TMEM132D: variants seen among roughly 807,000 people sequenced by gnomAD.
TMEM132D encodes the protein transmembrane protein 132D, also known as mature OL transmembrane protein.
In TMEM132D, 21 loss-of-function variants were observed where a neutral mutation model predicts 62.3. The observed-to-expected ratio is 0.34, with a 90% confidence interval of 0.24 to 0.49. The LOEUF is 0.49. Ranked by LOEUF, TMEM132D falls within the 20% of genes least tolerant of loss-of-function variation. The pLI is 0.99. For synonymous variants in TMEM132D, 621 were observed against 575.6 expected (o/e 1.08, Z -1.13); for missense variants, 1,346 against 1,402.8 (o/e 0.96, Z 0.65).
intron 1 of TMEM132D, among the ~76,000 whole-genome samples, chr12:129,854,215 TATCAC>T (rs1316112843): frequency 2.6e-5 from 4 of 152,206 alleles, no homozygotes; most frequent in Non-Finnish European, 4.4e-5. Flanking sequence ...AACGTTCAGC[TATCAC>T]TGAACTTTCA....
intron 5 of TMEM132D, among the ~76,000 whole-genome samples, chr12:129,172,613 T>C (rs533500202): frequency 6.6e-6 from 1 of 152,312 alleles, no homozygotes; most frequent in Admixed American, 6.5e-5. Context: ...AGTTTCACTC[T>C]TGTTGCCCAG....
At chr12:129,731,222 A>G (rs535211406) in intron 1 of TMEM132D, among the ~76,000 whole-genome samples, 59 of 152,238 alleles carry the variant, frequency 3.9e-4, no homozygotes, top group African/African-American at 1.2e-3. Context: ...TCGTTCACTC[A>G]GCACACACTG....
intron 3 of TMEM132D, among the ~76,000 whole-genome samples, chr12:129,478,805 C>T (rs965617370): frequency 2.0e-5 from 3 of 152,114 alleles, no homozygotes; most frequent in African/African-American, 7.2e-5. Flanking sequence ...TTTTAGAATC[C>T]GAGCTTTAGT....
intron 5 of TMEM132D, among the ~76,000 whole-genome samples, chr12:129,129,134 T>TC (rs1454080242): frequency 2.0e-5 from 3 of 151,980 alleles, no homozygotes; most frequent in African/African-American, 7.3e-5. Flanking sequence ...AACCTTTGCC[T>TC]CCCTTCCTCC....
At chr12:129,458,987 A>G (rs1873569987) in intron 3 of TMEM132D, among the ~76,000 whole-genome samples, 1 of 152,234 alleles carries the variant, frequency 6.6e-6, no homozygotes, top group Non-Finnish European at 1.5e-5. Flanking sequence ...AAAAATCCTA[A>G]GGCTAGCTTT....
intron 1 of TMEM132D, among the ~76,000 whole-genome samples, chr12:129,728,854 T>C (rs1869123237): frequency 6.6e-6 from 1 of 152,140 alleles, no homozygotes; most frequent in African/African-American, 2.4e-5. Context: ...GCCCCTCATG[T>C]CTTCATGTAC....
chr12:129,309,506 A>G (rs1593331764), intron 4 of TMEM132D, among the ~76,000 whole-genome samples: 2 of 152,308 alleles, frequency 1.3e-5, no homozygotes, highest in African/African-American at 4.8e-5. Context: ...GAATAAAGGT[A>G]TTGTAGGATT....
intron 2 of TMEM132D, among the ~76,000 whole-genome samples, chr12:129,687,368 G>A (rs907862724): frequency 3.3e-5 from 5 of 152,102 alleles, no homozygotes; most frequent in Admixed American, 6.5e-5. Context: ...TCATTGAGGA[G>A]TCTGCAGTGA....
chr12:129,351,780 C>T (rs903180275), intron 3 of TMEM132D, among the ~76,000 whole-genome samples: 5 of 152,198 alleles, frequency 3.3e-5, no homozygotes, highest in Non-Finnish European at 7.3e-5. Context: ...AAGACAAGTT[C>T]ACTCAACGCT....
chr12:129,825,834 C>G (rs1872648789), intron 1 of TMEM132D, among the ~76,000 whole-genome samples: 1 of 152,138 alleles, frequency 6.6e-6, no homozygotes, highest in African/African-American at 2.4e-5. Flanking sequence ...GAGGATGAGG[C>G]AGGAGGATCA....
chr12:129,374,269 CAG>C (rs35178347), intron 3 of TMEM132D, among the ~76,000 whole-genome samples: 19 of 144,312 alleles, frequency 1.3e-4, no homozygotes, highest in East Asian at 4.1e-4. Flanking sequence ...CCTCACACAT[CAG>C]AGAGAGAGAG....
intron 8 of TMEM132D, 22 bp downstream of exon 8, chr12:129,078,512 T>G (rs2135610864): frequency 6.2e-7 from 1 of 1,605,008 alleles, no homozygotes; most frequent in Non-Finnish European, 8.5e-7. Context: ...TGCTGAAGTG[T>G]GTCTCAAGCC....
chr12:129,388,375 GATAATATTAA>G (rs1871185697), intron 3 of TMEM132D, among the ~76,000 whole-genome samples: 1 of 67,236 alleles, frequency 1.5e-5, no homozygotes, highest in Admixed American at 1.5e-4. Context: ...CAGCACTGAT[GATAATATTAA>G]CACTAACACG....
At chr12:129,365,390 C>A (rs1325461899) in intron 3 of TMEM132D, among the ~76,000 whole-genome samples, 1 of 152,062 alleles carries the variant, frequency 6.6e-6, no homozygotes, top group Non-Finnish European at 1.5e-5. Context: ...CACCAAAAAC[C>A]CTTATCAAGA....
chr12:129,135,747 T>C (rs1329755512), intron 5 of TMEM132D, among the ~76,000 whole-genome samples: 1 of 152,200 alleles, frequency 6.6e-6, no homozygotes, highest in Non-Finnish European at 1.5e-5. Context: ...GGAGAATCTT[T>C]TCCATGCATC....
chr12:129,392,037 G>A (rs563770956), intron 3 of TMEM132D, among the ~76,000 whole-genome samples: 92 of 151,404 alleles, frequency 6.1e-4, no homozygotes, highest in South Asian at 1.1e-3. Flanking sequence ...GATTACAGGC[G>A]TGAGCCACCA....
chr12:129,237,792 A>T (rs1879824665), intron 4 of TMEM132D, among the ~76,000 whole-genome samples: 1 of 152,104 alleles, frequency 6.6e-6, no homozygotes, highest in Non-Finnish European at 1.5e-5. Context: ...CAGCCTGGCC[A>T]ACATGGTGAA....
At chr12:129,892,394 T>C (rs1446645901) in intron 1 of TMEM132D, among the ~76,000 whole-genome samples, 1 of 152,174 alleles carries the variant, frequency 6.6e-6, no homozygotes, top group African/African-American at 2.4e-5. Context: ...CATGCCAAAG[T>C]ATAATTCAAT....
intron 3 of TMEM132D, among the ~76,000 whole-genome samples, chr12:129,442,402 C>T (rs1872965519): frequency 6.6e-6 from 1 of 152,190 alleles, no homozygotes; most frequent in African/African-American, 2.4e-5. Context: ...CGATCCTGGA[C>T]TTAAGAGTCC....
Sources: gnomAD v4.1 joint callset for allele counts (sites outside exome capture counted in the v4.1 genomes callset) on GRCh38, gnomAD v4.1.1 for gene constraint, MANE v1.5 for transcripts, NCBI Gene and HGNC (gene_info 2026-07-23, HGNC 2026-07-21) for gene names.